DARS1: variants seen among roughly 807,000 people sequenced by gnomAD.
DARS1 encodes aspartyl-tRNA synthetase 1.
In DARS1, 51 loss-of-function variants were observed where a neutral mutation model predicts 68.8. The ratio of observed to expected loss-of-function variants is 0.74; its 90% CI spans 0.59 to 0.94. The LOEUF (loss-of-function observed/expected upper bound fraction) is 0.94, where lower values mean the gene tolerates loss of function less well. Ranked by LOEUF, DARS1 falls within the 40% of genes least tolerant of loss-of-function variation. The pLI is 0.00. For synonymous variants in DARS1, 203 were observed against 190.4 expected (o/e 1.07, Z -0.55); for missense variants, 607 against 597.3 (o/e 1.02, Z -0.17).
chr2:135,940,356 T>C (rs1681568649), intron 5 of DARS1, among the ~76,000 whole-genome samples: 1 of 152,186 alleles, frequency 6.6e-6, no homozygotes, highest in African/African-American at 2.4e-5. Context: ...TGGTTTAACA[T>C]ATGCAAATCA....
At chr2:135,962,423 T>C (rs1200882623) in intron 3 of DARS1, among the ~76,000 whole-genome samples, 2 of 152,154 alleles carry the variant, frequency 1.3e-5, no homozygotes. Context: ...TTGTAAAACA[T>C]CACAAGATTT....
At position 135,907,261 on chromosome 2, in the gene DARS1, T is replaced by TTTTTTTTTTTTTTTTTTTTTTG; in HGVS notation, c.*54_*55insCAAAAAAAAAAAAAAAAAAAAA. On this transcript the variant is annotated 3_prime_UTR_variant, in exon 16 of 16. Coordinates refer to ENST00000264161, the MANE Select transcript of DARS1 (RefSeq NM_001349.4). ...GGCTTTCTTTTTTTTTTTTTTTTTT[T>TTTTTTTTTTTTTTTTTTTTTTG]GAGGCAGGGTCTCGCTCTGTCATCC... The TTTTTTTTTTTTTTTTTTTTTTG allele has an allele frequency of 1.1e-6, 1 of 889,242 alleles. No individual in the cohort carries two copies. The highest frequency in any genetic ancestry group is 1.9e-5 in the African/African-American group (1 of 53,424). 55.1% of individuals were successfully genotyped at this position (889,242 alleles called of 1,614,324 possible).
chr2:135,923,219 T>A (rs1249218433), intron 8 of DARS1, among the ~76,000 whole-genome samples: 2 of 152,146 alleles, frequency 1.3e-5, no homozygotes, highest in Non-Finnish European at 2.9e-5. Context: ...ATTTTTTTTT[T>A]AAAATGAAAA....
At position 135,973,804 on chromosome 2, in the gene DARS1, T is replaced by C. The variant is rs546266703; in HGVS notation, c.217+5470A>G. 2.0e-5 allele frequency among the ~76,000 whole-genome samples: 3 copies of C among 152,226 alleles called. No individual in the cohort carries two copies. In the South Asian group the frequency reaches 6.2e-4, roughly 32 times the overall value. On this transcript the variant is annotated intron_variant, in intron 3 of 15. Transcript: ENST00000264161. Reference sequence around the variant, plus strand: ...ATGGCTTGAGCCTAGGAGCCACAGGTGCAGTGAGTTGAGATCACACGGCTG... The same window carrying C: ...ATGGCTTGAGCCTAGGAGCCACAGGCGCAGTGAGTTGAGATCACACGGCTG...
rs573795245 is a variant in DARS1, at chr2:135,960,168, G to A, written c.320+1228C>T. ...CAAACCTAATTACCAGAAGACACAC[G>A]TAGAAGAAAAGTGGTCATCTCTGGG... On this transcript the variant is annotated intron_variant, in intron 4 of 15. Transcript: ENST00000264161. 2.3e-4 allele frequency among the ~76,000 whole-genome samples: 35 copies of A among 152,218 alleles called. No individual in the cohort carries two copies. The South Asian group carries it at 4.3e-3, about 19-fold the overall frequency.
chr2:135,976,988 CATCT>C (rs1209502002), intron 3 of DARS1, among the ~76,000 whole-genome samples: 1 of 152,044 alleles, frequency 6.6e-6, no homozygotes, highest in African/African-American at 2.4e-5. Context: ...CTGTTTTATT[CATCT>C]ATTATTCGGT....
At chr2:135,976,610 T>C (rs1013242206) in intron 3 of DARS1, among the ~76,000 whole-genome samples, 4 of 151,094 alleles carry the variant, frequency 2.6e-5, no homozygotes, top group African/African-American at 9.7e-5. Flanking sequence ...TTGTCACAAA[T>C]GGAAAAAAAA....
chr2:135,910,088 C>G (rs1425453090), intron 15 of DARS1, among the ~76,000 whole-genome samples: 2 of 152,154 alleles, frequency 1.3e-5, no homozygotes, highest in East Asian at 1.9e-4. Flanking sequence ...AAGGTCATTT[C>G]TATATCTTGG....
intron 4 of DARS1, among the ~76,000 whole-genome samples, chr2:135,945,827 G>A (rs1424271880): frequency 6.6e-6 from 1 of 152,188 alleles, no homozygotes; most frequent in Non-Finnish European, 1.5e-5. Context: ...CGGGAAAGAA[G>A]GCAGGATTAA....
rs1439599599 is a variant in DARS1, at chr2:135,948,800, G to A, written c.321-5320C>T. Among the ~76,000 whole-genome samples, 3 of 151,760 alleles carry A rather than the reference G, an allele frequency of 2.0e-5. No individual in the cohort carries two copies. In the East Asian group the frequency reaches 5.8e-4, roughly 29 times the overall value. ...GTAGAGAATCGCTTTAACCTGGGAG[G>A]CAGAGGCTGCAGAGAGTCAAGATTG... On this transcript the variant is annotated intron_variant, in intron 4 of 15. Coordinates refer to ENST00000264161, the MANE Select transcript of DARS1 (RefSeq NM_001349.4).
intron 4 of DARS1, among the ~76,000 whole-genome samples, chr2:135,960,032 C>T (rs1682066834): frequency 1.3e-5 from 2 of 152,002 alleles, no homozygotes; most frequent in South Asian, 4.2e-4. Flanking sequence ...GATAAAATTT[C>T]TAGGGACCAA....
chr2:135,920,573 T>C lies in DARS1; in HGVS notation c.839A>G (p.His280Arg), dbSNP rs527236040. The change falls in exon 10 of 16, where the codon CAT (histidine) becomes CGT (arginine). Residue 280 changes from histidine to arginine, a missense_variant. Transcript: ENST00000264161. ...ACCAACAAACTCAGTTAGATGTCTATGGGTATTAGAGTCTTCCGCTCTGAA... is the reference window on the plus strand; with the variant it reads ...ACCAACAAACTCAGTTAGATGTCTACGGGTATTAGAGTCTTCCGCTCTGAA... ...PVFRAEDSNT[H>R]RHLTEFVGLD... 1 of 1,613,300 alleles carries C rather than the reference T, an allele frequency of 6.2e-7. No individual in the cohort carries two copies. Among genetic ancestry groups the C allele is most frequent in the Non-Finnish European group, 8.5e-7 (1 of 1,179,710 alleles).
At chr2:135,980,511 A>G (rs1249879514) in intron 2 of DARS1, 1 of 152,202 alleles carries the variant, frequency 6.6e-6, no homozygotes, top group Non-Finnish European at 1.5e-5. Flanking sequence ...ACAGGAGAAT[A>G]AATAACACGG....
At chr2:135,947,550 A>G (rs868776571) in intron 4 of DARS1, among the ~76,000 whole-genome samples, 7 of 152,114 alleles carry the variant, frequency 4.6e-5, no homozygotes, top group African/African-American at 1.7e-4. Context: ...TTAGGTAGAC[A>G]CTATCTCATT....
chr2:135,976,700 C>A (rs970221600), intron 3 of DARS1, among the ~76,000 whole-genome samples: 2 of 151,444 alleles, frequency 1.3e-5, no homozygotes, highest in African/African-American at 4.9e-5. Flanking sequence ...TTTTTGAGTG[C>A]CGACATGACT....
chr2:135,931,580 A>C (rs1558783631), intron 7 of DARS1, among the ~76,000 whole-genome samples: 1 of 149,256 alleles, frequency 6.7e-6, no homozygotes, highest in Non-Finnish European at 1.5e-5. Flanking sequence ...TAAAAACTTA[A>C]AGTTACTAAT....
At chr2:135,953,312 T>C (rs1366440679) in intron 4 of DARS1, among the ~76,000 whole-genome samples, 1 of 152,218 alleles carries the variant, frequency 6.6e-6, no homozygotes, top group Non-Finnish European at 1.5e-5. Flanking sequence ...GGAACAGTAT[T>C]AGTTATCCAG....
chr2:135,926,143 G>A (rs904601669), intron 7 of DARS1, among the ~76,000 whole-genome samples: 5 of 152,040 alleles, frequency 3.3e-5, no homozygotes, highest in Non-Finnish European at 5.9e-5. Context: ...TGCTCATCAC[G>A]GCCTCCCAAA....
chr2:135,923,810 G>A (rs1681156481), intron 8 of DARS1, among the ~76,000 whole-genome samples: 1 of 152,090 alleles, frequency 6.6e-6, no homozygotes, highest in Non-Finnish European at 1.5e-5. Flanking sequence ...CTCAGGTTGG[G>A]AGTTCGAGAC....
Sources: allele counts gnomAD v4.1 joint callset (sites outside exome capture counted in the v4.1 genomes callset), GRCh38; gene constraint gnomAD v4.1.1; transcripts MANE v1.5; gene names NCBI Gene and HGNC (gene_info 2026-07-23, HGNC 2026-07-21).